Variants in CEP112 observed in about 807,000 individuals in gnomAD.
The protein encoded by CEP112 is centrosomal protein 112.
Under a neutral mutation model 153.0 loss-of-function variants are expected in CEP112, and 127 were observed. That is an observed-to-expected ratio of 0.83 (90% CI 0.72 to 0.96). The LOEUF (loss-of-function observed/expected upper bound fraction) is 0.96, where lower values mean the gene tolerates loss of function less well. CEP112 is among the 40% of genes least tolerant of loss of function. The probability of loss-of-function intolerance (pLI) is 0.00; values close to 1 mark genes in which losing one functional copy is unlikely to be tolerated. For missense variants in CEP112, 1,089 were observed against 1,101.2 expected (o/e 0.99, Z 0.16); for synonymous variants, 358 against 374.4 (o/e 0.96, Z 0.51).
chr17:66,179,714 C>T (rs531835276), intron 2 of CEP112, among the ~76,000 whole-genome samples: 10 of 152,264 alleles, frequency 6.6e-5, no homozygotes, highest in Middle Eastern at 3.4e-3. Context: ...GCTAGGACTT[C>T]CAATACTATG....
chr17:66,185,232 T>C (rs1288636441), intron 1 of CEP112, among the ~76,000 whole-genome samples: 1 of 152,124 alleles, frequency 6.6e-6, no homozygotes, highest in Non-Finnish European at 1.5e-5. Flanking sequence ...TAAAAAAAAT[T>C]TTTTTTGAGA....
At chr17:65,991,810 C>T (rs1447910483) in intron 17 of CEP112, among the ~76,000 whole-genome samples, 1 of 151,920 alleles carries the variant, frequency 6.6e-6, no homozygotes, top group African/African-American at 2.4e-5. Flanking sequence ...ACCTTACAAA[C>T]AAAATGATCA....
At chr17:65,644,167 G>A (rs2045306042) in intron 24 of CEP112, 4 of 843,956 alleles carry the variant, frequency 4.7e-6, no homozygotes, top group Non-Finnish European at 8.0e-6. Flanking sequence ...AATTCAACTT[G>A]CAGTTGTTCT....
chr17:65,647,265 C>G (rs2045491331), intron 24 of CEP112, among the ~76,000 whole-genome samples: 1 of 151,560 alleles, frequency 6.6e-6, no homozygotes, highest in Non-Finnish European at 1.5e-5. Context: ...CCTCCGCCTC[C>G]TGGGTTCAAG....
intron 24 of CEP112, among the ~76,000 whole-genome samples, chr17:65,681,180 G>C (rs963612805): frequency 1.3e-5 from 2 of 152,220 alleles, no homozygotes; most frequent in African/African-American, 2.4e-5. Context: ...ATGCCATGAA[G>C]ATGACAGATC....
chr17:65,715,942 G>A (rs1410412109), intron 23 of CEP112, among the ~76,000 whole-genome samples: 1 of 152,128 alleles, frequency 6.6e-6, no homozygotes, highest in Non-Finnish European at 1.5e-5. Context: ...TGTTACTGTT[G>A]CTAATACTAA....
At chr17:65,745,119 C>T (rs1224902060) in intron 22 of CEP112, among the ~76,000 whole-genome samples, 1 of 152,060 alleles carries the variant, frequency 6.6e-6, no homozygotes, top group Non-Finnish European at 1.5e-5. Flanking sequence ...AGCATCTTGA[C>T]AATAAAATAT....
intron 11 of CEP112, among the ~76,000 whole-genome samples, chr17:66,061,328 A>G (rs567080812): frequency 2.0e-5 from 3 of 152,260 alleles, no homozygotes; most frequent in African/African-American, 7.2e-5. Context: ...ATATACTGCT[A>G]GAGGGAATAC....
At chr17:65,915,787 C>CAAAA (rs755351021) in intron 19 of CEP112, among the ~76,000 whole-genome samples, 3 of 56,580 alleles carry the variant, frequency 5.3e-5, no homozygotes, top group African/African-American at 1.3e-4. Flanking sequence ...GACTCAAACT[C>CAAAA]AAAAAAAAAA....
intron 15 of CEP112, among the ~76,000 whole-genome samples, chr17:66,027,956 A>G (rs1366118696): frequency 7.0e-6 from 1 of 142,484 alleles, no homozygotes; most frequent in East Asian, 2.5e-4. Context: ...AGACAGAGGG[A>G]GAGAGAGAGG....
chr17:65,850,906 T>C (rs2057908071), intron 21 of CEP112, among the ~76,000 whole-genome samples: 1 of 152,198 alleles, frequency 6.6e-6, no homozygotes. Context: ...ATAGCTATGC[T>C]ATCAAGGGCC....
chr17:65,648,114 G>A (rs2045539408), intron 24 of CEP112, among the ~76,000 whole-genome samples: 1 of 152,118 alleles, frequency 6.6e-6, no homozygotes. Context: ...TCAAAGGCTG[G>A]TCTGCTGTGG....
chr17:65,925,792 T>C (rs1219222394), intron 19 of CEP112, among the ~76,000 whole-genome samples: 3 of 152,324 alleles, frequency 2.0e-5, no homozygotes, highest in African/African-American at 7.2e-5. Context: ...ATGCTCAAAA[T>C]ATTTCCTTTT....
At chr17:65,645,107 T>TTA (rs902447248) in intron 24 of CEP112, among the ~76,000 whole-genome samples, 1 of 151,588 alleles carries the variant, frequency 6.6e-6, no homozygotes, top group South Asian at 2.1e-4. Flanking sequence ...TTGTATTTTA[T>TTA]TATATATATA....
At chr17:66,054,765 T>C (rs2066607815) in intron 11 of CEP112, among the ~76,000 whole-genome samples, 1 of 152,164 alleles carries the variant, frequency 6.6e-6, no homozygotes, top group Non-Finnish European at 1.5e-5. Context: ...TTTGTTTTTG[T>C]TTTTGTTTTG....
intron 24 of CEP112, among the ~76,000 whole-genome samples, chr17:65,662,584 G>A (rs1480468566): frequency 1.3e-5 from 2 of 152,124 alleles, no homozygotes; most frequent in African/African-American, 4.8e-5. Context: ...TTCTGATGAT[G>A]TCTGAAAAGA....
At chr17:65,765,385 T>G (rs1479737103) in intron 21 of CEP112, among the ~76,000 whole-genome samples, 2 of 152,174 alleles carry the variant, frequency 1.3e-5, no homozygotes, top group Non-Finnish European at 2.9e-5. Context: ...TAAAACAGTT[T>G]TTCTTGGTAG....
intron 1 of CEP112, among the ~76,000 whole-genome samples, chr17:66,188,406 C>CA (rs1555827944): frequency 1.1e-4 from 16 of 141,118 alleles, no homozygotes; most frequent in Non-Finnish European, 2.0e-4. Flanking sequence ...AACCCCCCCC[C>CA]ACCCCCGAGC....
chr17:65,689,219 C>G lies in CEP112; in HGVS notation c.2608-1G>C, dbSNP rs1191002376. On this transcript the variant is annotated splice_acceptor_variant, in intron 23 of 26. Coordinates refer to ENST00000535342, the MANE Select transcript of CEP112 (RefSeq NM_001199165.4). LOFTEE classifies it high-confidence loss of function. ...GGTTTTCTAATTCATCTTGTAAAAC[C>G]TGAAACGGTATAAAATAAAGATATC... 1.9e-6 allele frequency: 3 copies of G among 1,603,474 alleles called. No individual in the cohort carries two copies. Among genetic ancestry groups the G allele is most frequent in the Admixed American group, 3.3e-5 (2 of 59,970 alleles).
Sources: gnomAD v4.1 joint callset for allele counts (sites outside exome capture counted in the v4.1 genomes callset) on GRCh38, gnomAD v4.1.1 for gene constraint, MANE v1.5 for transcripts, NCBI Gene and HGNC (gene_info 2026-07-23, HGNC 2026-07-21) for gene names.